Variants in ARL15 observed in about 807,000 individuals in gnomAD.
ARL15 encodes the protein ARF like GTPase 15, also known as ADP-ribosylation factor-like protein 15.
Under a neutral mutation model 25.2 loss-of-function variants are expected in ARL15, and 19 were observed. The observed-to-expected ratio is 0.75, with a 90% CI of 0.53 to 1.10. ARL15 has a LOEUF of 1.10. Among genes scored for constraint, ARL15 ranks in the 50% least tolerant of loss-of-function variants. ARL15 has a pLI of 0.00. For synonymous variants in ARL15, 94 were observed against 86.8 expected (o/e 1.08, Z -0.46); for missense variants, 220 against 246.0 (o/e 0.89, Z 0.71).
rs143537182 is a variant in ARL15 at position 54,244,931 on chromosome 5, A to G, written c.48+65501T>C. Among the ~76,000 whole-genome samples, 1,089 of 152,260 alleles carry G rather than the reference A, an allele frequency of 7.2e-3. 13 individuals carry two copies. Among genetic ancestry groups the G allele is most frequent in the African/African-American group, 0.025 (1,037 of 41,556 alleles). ...TAATTTTAATATTAATATCAATATTAATTTTCAATGTGTGCTATTTCTAAA... is the reference window on the plus strand; with the variant it reads ...TAATTTTAATATTAATATCAATATTGATTTTCAATGTGTGCTATTTCTAAA... On this transcript the variant is annotated intron_variant, in intron 1 of 4. Transcript: ENST00000504924.
chr5:54,048,807 A>AC lies in ARL15; in HGVS notation c.462+64394_462+64395insG, dbSNP rs552488853. On this transcript the variant is annotated intron_variant, in intron 4 of 4. Transcript: ENST00000504924. ...GACTATGCTATAGGAAAAAAAAAAA[A>AC]AACAACAGTCCGACATTTGGGGATT... is the stretch of plus-strand genomic sequence containing the variant. 2.3e-4 allele frequency among the ~76,000 whole-genome samples: 35 copies of AC among 151,876 alleles called. No homozygotes were observed. The East Asian group carries it at 6.6e-3, about 29-fold the overall frequency.
intron 4 of ARL15, among the ~76,000 whole-genome samples, chr5:54,064,446 A>T (rs1751157661): frequency 6.6e-6 from 1 of 152,216 alleles, no homozygotes; most frequent in South Asian, 2.1e-4. Context: ...TGGGAATAAT[A>T]GGTCCTGAGG....
intron 4 of ARL15, among the ~76,000 whole-genome samples, chr5:54,035,817 C>G (rs1367860549): frequency 6.6e-6 from 1 of 151,736 alleles, no homozygotes; most frequent in Admixed American, 6.6e-5. Context: ...TTTTAAAACC[C>G]AAGTCCATTA....
intron 1 of ARL15, among the ~76,000 whole-genome samples, chr5:54,231,724 A>G (rs1756676845): frequency 6.6e-6 from 1 of 152,206 alleles, no homozygotes; most frequent in Non-Finnish European, 1.5e-5. Flanking sequence ...CTGGCTAGCA[A>G]ACCATTACTT....
At chr5:53,963,840 C>CACAT (rs1316952446) in intron 4 of ARL15, among the ~76,000 whole-genome samples, 1 of 132,334 alleles carries the variant, frequency 7.6e-6, no homozygotes, top group African/African-American at 2.5e-5. Context: ...CACACACACA[C>CACAT]ACACACACAT....
intron 4 of ARL15, among the ~76,000 whole-genome samples, chr5:54,069,522 G>C (rs866804468): frequency 3.7e-5 from 4 of 109,230 alleles, no homozygotes; most frequent in Admixed American, 1.5e-4. Flanking sequence ...AGTGAGTCCA[G>C]ATCACGCCAG....
At chr5:54,175,459 T>C (rs1428001988) in intron 1 of ARL15, among the ~76,000 whole-genome samples, 1 of 151,868 alleles carries the variant, frequency 6.6e-6, no homozygotes, top group Non-Finnish European at 1.5e-5. Flanking sequence ...CTCGGCTTCC[T>C]GAGTAGCTGG....
At chr5:54,176,932 G>C (rs1754891769) in intron 1 of ARL15, among the ~76,000 whole-genome samples, 1 of 152,098 alleles carries the variant, frequency 6.6e-6, no homozygotes. Flanking sequence ...ACTTCCAACA[G>C]CCCACAGCAG....
In ARL15 at chr5:54,210,815, TC is replaced by T. The variant is rs575881384; in HGVS notation, c.49-38888del. The stretch of plus-strand genomic sequence containing the variant: ...ATATGCCACATAGTTCAATCTCTTT[TC>T]CTTGAGATGCAAAACTGTGGCACAG... On this transcript the variant is annotated intron_variant, in intron 1 of 4. Coordinates refer to ENST00000504924, the MANE Select transcript of ARL15 (RefSeq NM_019087.3). Among the ~76,000 whole-genome samples, 60 of 152,366 alleles carry T rather than the reference TC, an allele frequency of 3.9e-4. No individual in the cohort carries two copies. The East Asian group carries it at 0.011, about 28-fold the overall frequency.
intron 4 of ARL15, among the ~76,000 whole-genome samples, chr5:53,904,286 T>G (rs1745168990): frequency 6.6e-6 from 1 of 152,228 alleles, no homozygotes; most frequent in African/African-American, 2.4e-5. Flanking sequence ...ACCCAGTGGA[T>G]GCTGACAACT....
intron 4 of ARL15, among the ~76,000 whole-genome samples, chr5:53,934,349 C>A (rs1746290682): frequency 6.6e-6 from 1 of 152,034 alleles, no homozygotes; most frequent in African/African-American, 2.4e-5. Flanking sequence ...CATGAGAAAT[C>A]TTAAGTATGT....
chr5:54,188,973 T>C (rs995907421), intron 1 of ARL15, among the ~76,000 whole-genome samples: 14 of 152,186 alleles, frequency 9.2e-5, no homozygotes, highest in Non-Finnish European at 1.3e-4. Context: ...TACAGGTTCA[T>C]GTCACTGGCA....
At chr5:54,044,841 C>A (rs1750457620) in intron 4 of ARL15, among the ~76,000 whole-genome samples, 1 of 152,122 alleles carries the variant, frequency 6.6e-6, no homozygotes, top group Non-Finnish European at 1.5e-5. Flanking sequence ...CAATTTTATT[C>A]CTTTTGACAA....
intron 4 of ARL15, among the ~76,000 whole-genome samples, chr5:54,029,083 T>C (rs1032711988): frequency 1.3e-5 from 2 of 151,986 alleles, no homozygotes; most frequent in Admixed American, 1.3e-4. Context: ...CTGCAAATAG[T>C]TGTTTTAGAT....
At chr5:54,147,265 C>T (rs1490522435) in intron 3 of ARL15, among the ~76,000 whole-genome samples, 1 of 152,038 alleles carries the variant, frequency 6.6e-6, no homozygotes, top group Non-Finnish European at 1.5e-5. Context: ...TTCAGTATTA[C>T]ATATCACACT....
intron 4 of ARL15, among the ~76,000 whole-genome samples, chr5:53,888,240 G>A (rs182274737): frequency 3.5e-3 from 523 of 151,328 alleles, no homozygotes; most frequent in Middle Eastern, 0.014. Context: ...ATTCTTTGTT[G>A]TTGTTGTTTT....
chr5:54,266,617 C>T (rs76338725), intron 1 of ARL15, among the ~76,000 whole-genome samples: 2,571 of 152,200 alleles, frequency 0.017, 36 homozygotes, highest in Non-Finnish European at 0.025. Flanking sequence ...GGGCTGAAAA[C>T]CAAATAATCT....
At chr5:54,156,491 A>G (rs1485354035) in intron 2 of ARL15, among the ~76,000 whole-genome samples, 1 of 152,204 alleles carries the variant, frequency 6.6e-6, no homozygotes, top group Non-Finnish European at 1.5e-5. Flanking sequence ...TTTTTCGTTG[A>G]TGATTCAATC....
intron 4 of ARL15, among the ~76,000 whole-genome samples, chr5:54,096,883 G>C (rs535978314): frequency 5.3e-5 from 8 of 151,958 alleles, no homozygotes; most frequent in Admixed American, 3.9e-4. Flanking sequence ...GCTTAAATTT[G>C]GTCTATTTAA....
Sources: gnomAD v4.1 joint callset for allele counts (sites outside exome capture counted in the v4.1 genomes callset) on GRCh38, gnomAD v4.1.1 for gene constraint, MANE v1.5 for transcripts, NCBI Gene and HGNC (gene_info 2026-07-23, HGNC 2026-07-21) for gene names.